DERL1: variants seen among roughly 807,000 people sequenced by gnomAD.
DERL1 encodes derlin 1.
A neutral mutation model predicts 41.6 loss-of-function variants in DERL1; 24 were observed. The ratio of observed to expected loss-of-function variants is 0.58; its 90% CI spans 0.42 to 0.81. DERL1 has a LOEUF of 0.81. Among genes scored for constraint, DERL1 ranks in the 30% least tolerant of loss-of-function variants. The pLI is 0.00. For synonymous variants in DERL1, 124 were observed against 112.5 expected (o/e 1.10, Z -0.65); for missense variants, 260 against 314.3 (o/e 0.83, Z 1.31).
chr8:123,042,215 C>G lies in DERL1; in HGVS notation c.-93G>C. 1 of 1,420,524 alleles carries G rather than the reference C, an allele frequency of 7.0e-7. No individual in the cohort carries two copies. Among genetic ancestry groups the G allele is most frequent in the Non-Finnish European group, 9.2e-7 (1 of 1,083,766 alleles). 88.0% of individuals were successfully genotyped at this position (1,420,524 alleles called of 1,614,324 possible). A position where few individuals can be genotyped will look rare whatever the true frequency, so the allele number is the denominator to read the frequency against. On this transcript the variant is annotated 5_prime_UTR_variant, in exon 1 of 8. Coordinates refer to ENST00000259512, the MANE Select transcript of DERL1 (RefSeq NM_024295.6). ...GGCCGGCTCCGCGACTGTTAGGTGT[C>G]TAGGTGGAAGCCGCCGAAGCCGCGA... is the stretch of plus-strand genomic sequence containing the variant.
chr8:123,030,150 T>C (rs1812791063), intron 2 of DERL1: 1 of 153,498 alleles, frequency 6.5e-6, no homozygotes, highest in Non-Finnish European at 1.4e-5. Context: ...ATATACTGTA[T>C]TTTAGAGTTG....
chr8:123,026,194 C>T (rs906867968), intron 2 of DERL1, among the ~76,000 whole-genome samples: 3 of 152,148 alleles, frequency 2.0e-5, no homozygotes, highest in Non-Finnish European at 2.9e-5. Flanking sequence ...TCCCTTGATA[C>T]CTCAAAGCAC....
chr8:123,026,032 T>G (rs1274200862), intron 2 of DERL1, among the ~76,000 whole-genome samples: 1 of 151,870 alleles, frequency 6.6e-6, no homozygotes, highest in Non-Finnish European at 1.5e-5. Context: ...GCTTGAAAGT[T>G]ACTTTCCCTC....
In DERL1 at chr8:123,042,078, C is replaced by A. The variant is rs1360134748; in HGVS notation, c.45G>T (p.Thr15=). ...GDWFRSIPAI[T]RYWFAATVAV... ...CGACGGTGGCGGCGAACCAATAGCG[C>A]GTGATCGCCGGGATGCTCCTGAACC... Residue 15 remains threonine (T), a synonymous_variant, in exon 1 of 8, where the codon ACG becomes ACT. Transcript: ENST00000259512. 8 of 1,613,808 alleles carry A rather than the reference C, an allele frequency of 5.0e-6. No individual in the cohort carries two copies. In the East Asian group the frequency reaches 1.6e-4, roughly 31 times the overall value.
chr8:123,041,750 C>A (rs1563637923), intron 1 of DERL1, among the ~76,000 whole-genome samples: 1 of 152,198 alleles, frequency 6.6e-6, no homozygotes, highest in Non-Finnish European at 1.5e-5. Flanking sequence ...GTGAAGTCAA[C>A]CCCTCCCCAC....
chr8:123,015,779 G>A (rs979948082), intron 7 of DERL1, 194 bp from the exon 8 acceptor site: 22 of 528,294 alleles, frequency 4.2e-5, no homozygotes, highest in Middle Eastern at 4.6e-4. Flanking sequence ...GACGGCATTC[G>A]TTTTTCATGT....
At chr8:123,034,396 A>G (rs1428089226) in intron 1 of DERL1, among the ~76,000 whole-genome samples, 1 of 152,258 alleles carries the variant, frequency 6.6e-6, no homozygotes, top group Non-Finnish European at 1.5e-5. Context: ...TGACTTGAGA[A>G]GACCTGGGTT....
intron 3 of DERL1, among the ~76,000 whole-genome samples, chr8:123,023,945 CCA>C (rs1379651364): frequency 6.6e-6 from 1 of 152,138 alleles, no homozygotes; most frequent in East Asian, 1.9e-4. Context: ...TAGCAAGACC[CCA>C]TCTCTAATTT....
chr8:123,017,221 A>T (rs1268961207), intron 7 of DERL1: 2 of 152,210 alleles, frequency 1.3e-5, no homozygotes, highest in African/African-American at 4.8e-5. Context: ...ATACAAATGT[A>T]TCAGCATTCC....
intron 7 of DERL1, chr8:123,015,786 A>G (rs1814553182): frequency 5.8e-6 from 3 of 521,644 alleles, no homozygotes; most frequent in Non-Finnish European, 9.4e-6. Flanking sequence ...TTCGTTTTTC[A>G]TGTTTCTTAA....
In DERL1 at chr8:123,019,314, A is replaced by T; in HGVS notation, c.507-9T>A. 5.0e-6 allele frequency: 8 copies of T among 1,587,378 alleles called. No homozygotes were observed. Among genetic ancestry groups the T allele is most frequent in the Non-Finnish European group, 6.9e-6 (8 of 1,156,132 alleles). The stretch of plus-strand genomic sequence containing the variant: ...TAAGCTCATTGATTACCCTGCAAAG[A>T]GAGCCAAATGAGTTTAAAGACATTC... On this transcript the variant is annotated splice_polypyrimidine_tract_variant and intron_variant, in intron 6 of 7. Coordinates refer to ENST00000259512, the MANE Select transcript of DERL1 (RefSeq NM_024295.6).
At chr8:123,034,587 T>C (rs576537858) in intron 1 of DERL1, among the ~76,000 whole-genome samples, 36 of 152,330 alleles carry the variant, frequency 2.4e-4, no homozygotes, top group Admixed American at 5.9e-4. Context: ...GTGGTGAAGC[T>C]AGAATTTTAT....
At chr8:123,040,204 C>A (rs1472043545) in intron 1 of DERL1, among the ~76,000 whole-genome samples, 1 of 151,844 alleles carries the variant, frequency 6.6e-6, no homozygotes, top group Non-Finnish European at 1.5e-5. Flanking sequence ...GGCAACAGAG[C>A]GAGACTCCGT....
intron 7 of DERL1, 60 bp downstream of exon 7, chr8:123,019,135 T>G (rs1243181586): frequency 3.5e-6 from 4 of 1,146,308 alleles, no homozygotes; most frequent in Non-Finnish European, 5.3e-6. Context: ...GAGCTCTCAT[T>G]AGGATGCACT....
At position 123,014,377 on chromosome 8, in the gene DERL1, G is replaced by A. The variant is rs1468125398; in HGVS notation, c.*1070C>T. 6.5e-6 allele frequency: 1 copy of A among 152,680 alleles called. No individual in the cohort carries two copies. The highest frequency in any genetic ancestry group is 2.4e-5 in the African/African-American group (1 of 41,462). The allele number at this position is 152,680 out of a possible 1,614,324, so 9.5% of individuals were successfully genotyped here. ...CTTTAAAAAATGATCTACGTGCAGA[G>A]AGGAGCTGCGCCTTCCTCACAATTA... is the stretch of plus-strand genomic sequence containing the variant. On this transcript the variant is annotated 3_prime_UTR_variant, in exon 8 of 8. Transcript: ENST00000259512.
chr8:123,027,143 A>G (rs1443711841), intron 2 of DERL1, among the ~76,000 whole-genome samples: 1 of 151,796 alleles, frequency 6.6e-6, no homozygotes, highest in Non-Finnish European at 1.5e-5. Flanking sequence ...AAAATACAAA[A>G]ATTAGCCAGA....
chr8:123,040,523 G>A (rs935467013), intron 1 of DERL1, among the ~76,000 whole-genome samples: 1 of 152,208 alleles, frequency 6.6e-6, no homozygotes, highest in Non-Finnish European at 1.5e-5. Context: ...GAAGCAGCAG[G>A]GGCCTTGCAG....
chr8:123,040,143 G>A (rs775449121), intron 1 of DERL1, among the ~76,000 whole-genome samples: 8 of 152,192 alleles, frequency 5.3e-5, no homozygotes, highest in Non-Finnish European at 8.8e-5. Context: ...CTTGAACCCA[G>A]GAGACAGAGG....
intron 1 of DERL1, among the ~76,000 whole-genome samples, chr8:123,037,325 T>G (rs1243697753): frequency 6.6e-6 from 1 of 152,186 alleles, no homozygotes; most frequent in Non-Finnish European, 1.5e-5. Flanking sequence ...GAAATTAGAG[T>G]GTCTTACAAT....
Sources: allele counts gnomAD v4.1 joint callset (sites outside exome capture counted in the v4.1 genomes callset), GRCh38; gene constraint gnomAD v4.1.1; transcripts MANE v1.5; gene names NCBI Gene and HGNC (gene_info 2026-07-23, HGNC 2026-07-21).